UBA6: variants seen among roughly 807,000 people sequenced by gnomAD.
UBA6 encodes the protein ubiquitin-like modifier-activating enzyme 6.
UBA6 carries 87 observed loss-of-function variants against 148.3 expected under a neutral mutation model. That is an observed-to-expected ratio of 0.59 (90% CI 0.49 to 0.70). The LOEUF is 0.70. UBA6 is among the 30% of genes least tolerant of loss of function. The pLI, the probability that UBA6 is intolerant of heterozygous loss-of-function variation, is 0.00. For synonymous variants in UBA6, 376 were observed against 401.0 expected, an observed-to-expected ratio of 0.94 and a Z score of 0.75; for missense variants, 1,186 against 1,241.2, an observed-to-expected ratio of 0.96 and a Z score of 0.67.
chr4:67,640,982 T>C (rs536656354), intron 18 of UBA6, among the ~76,000 whole-genome samples, 169 bp downstream of exon 18: 1 of 152,324 alleles, frequency 6.6e-6, no homozygotes, highest in East Asian at 1.9e-4. Context: ...AAAATCAATA[T>C]TGTGCATTAA....
chr4:67,673,618 C>A, intron 7 of UBA6, 79 bp downstream of exon 7: 1 of 831,456 alleles, frequency 1.2e-6, no homozygotes, highest in South Asian at 1.7e-5. Context: ...TTATATAACC[C>A]ATCAATGAGT....
chr4:67,690,383 C>A (rs1730667573), intron 2 of UBA6, among the ~76,000 whole-genome samples: 1 of 152,050 alleles, frequency 6.6e-6, no homozygotes, highest in Admixed American at 6.6e-5. Flanking sequence ...CCTCATAACA[C>A]TGGTGTTGGC....
At chr4:67,655,923 A>G (rs1729678049) in intron 13 of UBA6, among the ~76,000 whole-genome samples, 1 of 152,248 alleles carries the variant, frequency 6.6e-6, no homozygotes, top group Non-Finnish European at 1.5e-5. Flanking sequence ...CTATGCAAAT[A>G]AACTAGAAAA....
chr4:67,652,122 G>C (rs1036116315), intron 13 of UBA6, among the ~76,000 whole-genome samples: 65 of 152,132 alleles, frequency 4.3e-4, no homozygotes, highest in African/African-American at 1.5e-3. Flanking sequence ...AGACAAAAAA[G>C]CACAAACCAC....
At chr4:67,651,358 G>A (rs1729550013) in intron 13 of UBA6, among the ~76,000 whole-genome samples, 2 of 152,030 alleles carry the variant, frequency 1.3e-5, no homozygotes, top group South Asian at 4.1e-4. Flanking sequence ...TATCAAAATG[G>A]GCTTATGGTG....
chr4:67,624,025 A>T, intron 30 of UBA6, 101 bp downstream of exon 30: 1 of 1,050,088 alleles, frequency 9.5e-7, no homozygotes. Flanking sequence ...ACACATACAC[A>T]ATAGAAGAAA....
rs1267213823 is a variant in UBA6, at chr4:67,639,171, AG to A, written c.1555-48del. 3.4e-6 allele frequency: 5 copies of A among 1,455,896 alleles called. No individual in the cohort carries two copies. In the African/African-American group the frequency reaches 7.1e-5, roughly 21 times the overall value. The allele number at this position is 1,455,896 out of a possible 1,614,324, so 90.2% of individuals were successfully genotyped here. ...AAGGAATATGTTAAACAACAAAAAA[AG>A]GACTATGATTTTTCTATATATTCCA... On this transcript the variant is annotated intron_variant, in intron 18 of 32. Transcript: ENST00000322244.
At chr4:67,699,091 C>A (rs147989467) in intron 1 of UBA6, among the ~76,000 whole-genome samples, 69 of 152,278 alleles carry the variant, frequency 4.5e-4, no homozygotes, top group African/African-American at 1.4e-3. Flanking sequence ...TAGCAGTGCT[C>A]GTCCCATTTT....
At chr4:67,688,724 A>T (rs17088563) in intron 2 of UBA6, among the ~76,000 whole-genome samples, 19,096 of 152,010 alleles carry the variant, frequency 0.13, 1,327 homozygotes, top group South Asian at 0.21. Flanking sequence ...GCTCTAAAAG[A>T]TATTTCCTAG....
chr4:67,650,660 C>G (rs1729531730), intron 13 of UBA6, among the ~76,000 whole-genome samples: 2 of 152,124 alleles, frequency 1.3e-5, no homozygotes, highest in South Asian at 4.1e-4. Flanking sequence ...CTCTGGATTT[C>G]ACATTGTTAC....
intron 4 of UBA6, among the ~76,000 whole-genome samples, chr4:67,681,248 A>G (rs945030834): frequency 6.6e-6 from 1 of 152,194 alleles, no homozygotes; most frequent in East Asian, 1.9e-4. Flanking sequence ...AGATACTACT[A>G]AAATATTTAA....
At chr4:67,682,354 T>C in intron 2 of UBA6, 141 bp from the exon 3 acceptor site, 1 of 615,546 alleles carries the variant, frequency 1.6e-6, no homozygotes, top group Non-Finnish European at 2.9e-6. Context: ...TGTTTAAACA[T>C]TTCTGAATTA....
intron 14 of UBA6, among the ~76,000 whole-genome samples, chr4:67,647,855 C>A (rs189953671): frequency 2.7e-5 from 4 of 149,374 alleles, no homozygotes; most frequent in Non-Finnish European, 5.9e-5. Context: ...CTCACTACAA[C>A]CTCCGCCTCC....
In UBA6 at chr4:67,633,526, C is replaced by T. The variant is rs1729051320; in HGVS notation, c.2014-53G>A. On this transcript the variant is annotated intron_variant, in intron 22 of 32. Coordinates refer to ENST00000322244, the MANE Select transcript of UBA6 (RefSeq NM_018227.6). ...ACATACTTCCAATTACAAACATATA[C>T]ACATCCCTCACCAAAAGTTAGCCTA... 6.8e-6 allele frequency: 10 copies of T among 1,477,140 alleles called. No individual in the cohort carries two copies. In the South Asian group the frequency reaches 1.3e-4, roughly 19 times the overall value. 91.5% of individuals were successfully genotyped at this position (1,477,140 alleles called of 1,614,324 possible). A position where few individuals can be genotyped will look rare whatever the true frequency, so the allele number is the denominator to read the frequency against.
chr4:67,697,251 C>T (rs762847983), intron 1 of UBA6, among the ~76,000 whole-genome samples: 6 of 152,186 alleles, frequency 3.9e-5, no homozygotes, highest in Non-Finnish European at 8.8e-5. Flanking sequence ...GAGATCCACC[C>T]GCCTCAGCGT....
At chr4:67,678,180 T>G (rs1173281352) in intron 5 of UBA6, among the ~76,000 whole-genome samples, 1 of 131,992 alleles carries the variant, frequency 7.6e-6, no homozygotes, top group Non-Finnish European at 1.7e-5. Flanking sequence ...TAAGTATATA[T>G]CAATATTTAT....
Position 67,615,818 on chromosome 4 carries a change from T to C in UBA6, c.*3179A>G, listed in dbSNP as rs1728613317. On this transcript the variant is annotated 3_prime_UTR_variant, in exon 33 of 33. Coordinates refer to ENST00000322244, the MANE Select transcript of UBA6 (RefSeq NM_018227.6). ...ACTGTATTGTTTAAGTTTACACACA[T>C]AGGTGGTAACACTATAAAAACAAAG... 2.9e-5 allele frequency: 7 copies of C among 242,844 alleles called. No individual in the cohort carries two copies. Among genetic ancestry groups the C allele is most frequent in the Non-Finnish European group, 4.7e-5 (6 of 128,334 alleles). The allele number at this position is 242,844 out of a possible 1,614,324, so 15.0% of individuals were successfully genotyped here. A position where few individuals can be genotyped will look rare whatever the true frequency, so the allele number is the denominator to read the frequency against.
chr4:67,654,962 G>A (rs893969131), intron 13 of UBA6, among the ~76,000 whole-genome samples: 9 of 152,056 alleles, frequency 5.9e-5, no homozygotes, highest in Admixed American at 1.3e-4. Flanking sequence ...TTACATAATG[G>A]TAAAGGGATC....
At chr4:67,699,116 C>CA (rs1369346360) in intron 1 of UBA6, among the ~76,000 whole-genome samples, 1 of 152,076 alleles carries the variant, frequency 6.6e-6, no homozygotes. Flanking sequence ...GCATGGCCTT[C>CA]AAAAAACGTA....
Sources: gnomAD v4.1 joint callset for allele counts (sites outside exome capture counted in the v4.1 genomes callset) on GRCh38, gnomAD v4.1.1 for gene constraint, MANE v1.5 for transcripts, NCBI Gene and HGNC (gene_info 2026-07-23, HGNC 2026-07-21) for gene names.